COG3: variants seen among roughly 807,000 people sequenced by gnomAD.
The protein encoded by COG3 is component of oligomeric golgi complex 3, also known as conserved oligomeric Golgi complex subunit 3.
COG3 carries 32 observed loss-of-function variants against 114.1 expected under a neutral mutation model. The observed-to-expected ratio is 0.28, with a 90% CI of 0.21 to 0.38. COG3 has a LOEUF of 0.38. Ranked by LOEUF, COG3 falls within the 10% of genes least tolerant of loss-of-function variation. The pLI is 1.00. For synonymous variants in COG3, 352 were observed against 365.7 expected (o/e 0.96, Z 0.43); for missense variants, 813 against 973.2 (o/e 0.84, Z 2.19).
Position 45,496,160 on chromosome 13 carries a change from C to T in COG3, c.1336C>T (p.Leu446=). Residue 446 remains leucine (L), a synonymous_variant, in exon 13 of 23, where the codon CTG becomes TTG. Coordinates refer to ENST00000349995, the MANE Select transcript of COG3 (RefSeq NM_031431.4). ...TTGCACTTTTTTATCAGCTGAGCAACTGGGGGCATTTGCAGCTGGAGTCAA... is the reference window on the plus strand; with the variant it reads ...TTGCACTTTTTTATCAGCTGAGCAATTGGGGGCATTTGCAGCTGGAGTCAA... ...EDHVQNNAEQ[L]GAFAAGVKQM... is the part of the protein sequence containing the mutation. 1 of 1,607,066 alleles carries T rather than the reference C, an allele frequency of 6.2e-7. No homozygotes were observed. Among genetic ancestry groups the T allele is most frequent in the Non-Finnish European group, 8.5e-7 (1 of 1,175,914 alleles).
chr13:45,481,379 A>C (rs1886239800), intron 5 of COG3, 75 bp downstream of exon 5: 1 of 763,782 alleles, frequency 1.3e-6, no homozygotes, highest in South Asian at 1.6e-5. Context: ...GTCATCTTTT[A>C]ATCTATAAAT....
In COG3 at chr13:45,481,488, A is replaced by C. The variant is rs527350211; in HGVS notation, c.624+184A>C. 4.9e-4 allele frequency among the ~76,000 whole-genome samples: 75 copies of C among 152,238 alleles called. 2 individuals are homozygous for C. The highest frequency in any genetic ancestry group is 1.8e-3 in the African/African-American group (73 of 41,544). ...ACCAGTTCAGATTTTTAAATATTTGAGTTAAGATGTGTTTCTTAAATTGTA... is the reference window on the plus strand; with the variant it reads ...ACCAGTTCAGATTTTTAAATATTTGCGTTAAGATGTGTTTCTTAAATTGTA... On this transcript the variant is annotated intron_variant, in intron 5 of 22. Transcript: ENST00000349995.
chr13:45,481,202 T>C (rs759479719), intron 4 of COG3, 28 bp from the exon 5 acceptor site: 1 of 1,282,920 alleles, frequency 7.8e-7, no homozygotes, highest in South Asian at 1.3e-5. Context: ...CTTATAATAA[T>C]TGATTTTTCT....
intron 20 of COG3, among the ~76,000 whole-genome samples, chr13:45,526,833 T>C (rs1302147120): frequency 6.6e-6 from 1 of 152,182 alleles, no homozygotes; most frequent in Admixed American, 6.5e-5. Context: ...TCTGACATAG[T>C]ATTAACCACC....
At chr13:45,530,549 A>G in intron 21 of COG3, 133 bp from the exon 22 acceptor site, 2 of 611,370 alleles carry the variant, frequency 3.3e-6, no homozygotes, top group Admixed American at 2.4e-5. Context: ...AGAGCAAATT[A>G]TGCGTCTTTG....
At chr13:45,493,309 A>C (rs1304702489) in intron 11 of COG3, 38 bp from the exon 12 acceptor site, 3 of 1,532,290 alleles carry the variant, frequency 2.0e-6, no homozygotes, top group Non-Finnish European at 2.7e-6. Flanking sequence ...ATCCTGAAAA[A>C]ACTACTACTA....
At chr13:45,498,084 G>A (rs1869045215) in intron 13 of COG3, among the ~76,000 whole-genome samples, 3 of 152,002 alleles carry the variant, frequency 2.0e-5, no homozygotes, top group South Asian at 2.1e-4. Flanking sequence ...ATATCATCAA[G>A]TATCTAGAAC....
At chr13:45,503,175 A>G in intron 13 of COG3, 69 bp from the exon 14 acceptor site, 1 of 738,214 alleles carries the variant, frequency 1.4e-6, no homozygotes, top group Non-Finnish European at 2.4e-6. Context: ...TGTACTTTGT[A>G]TAAAGAACAT....
intron 16 of COG3, among the ~76,000 whole-genome samples, chr13:45,512,714 A>G (rs762279258): frequency 1.8e-4 from 28 of 151,646 alleles, no homozygotes; most frequent in Non-Finnish European, 8.8e-5. Context: ...TGCAGCCTCA[A>G]CCTCCTGAGG....
chr13:45,489,284 A>C (rs1886877366), intron 8 of COG3, among the ~76,000 whole-genome samples: 4 of 148,554 alleles, frequency 2.7e-5, no homozygotes, highest in East Asian at 2.0e-4. Flanking sequence ...AAAAAAAGCC[A>C]ACCAGTTTAA....
chr13:45,488,545 A>G (rs1205308665), intron 8 of COG3, among the ~76,000 whole-genome samples: 1 of 152,164 alleles, frequency 6.6e-6, no homozygotes, highest in African/African-American at 2.4e-5. Flanking sequence ...TAAAAAATGG[A>G]TTATGGTGAA....
At chr13:45,513,448 T>A (rs12856469) in intron 16 of COG3, among the ~76,000 whole-genome samples, 3 of 41,246 alleles carry the variant, frequency 7.3e-5, no homozygotes, top group African/African-American at 1.3e-4. Context: ...ACATATAAAT[T>A]ATATATATAA....
chr13:45,498,929 TTTCCTTGCTCCAGGAATGTTTCACA>T (rs1869160897), intron 13 of COG3, among the ~76,000 whole-genome samples: 1 of 152,116 alleles, frequency 6.6e-6, no homozygotes. Context: ...GCGTTCACCT[TTTCCTTGCTCCAGGAATGTTTCACA>T]TTCCTTGCTC....
chr13:45,479,281 ATAGGT>A (rs1217076971), intron 3 of COG3, among the ~76,000 whole-genome samples: 1 of 152,242 alleles, frequency 6.6e-6, no homozygotes, highest in East Asian at 1.9e-4. Flanking sequence ...ATTATAATTA[ATAGGT>A]TAGGAGGGAT....
chr13:45,512,147 C>A, intron 16 of COG3: 1 of 258,234 alleles, frequency 3.9e-6, no homozygotes, highest in South Asian at 9.3e-5. Flanking sequence ...GATACTATTT[C>A]CCTGGAATAC....
At chr13:45,519,227 T>A in intron 19 of COG3, 133 bp downstream of exon 19, 2 of 967,262 alleles carry the variant, frequency 2.1e-6, no homozygotes, top group Non-Finnish European at 3.0e-6. Context: ...GTCTAGGAAA[T>A]CACTGTGTTT....
chr13:45,516,106 T>C (rs1185470128), intron 16 of COG3, 37 bp from the exon 17 acceptor site: 1 of 1,451,184 alleles, frequency 6.9e-7, no homozygotes, highest in Admixed American at 1.9e-5. Flanking sequence ...TTTGATTTAA[T>C]ATGTGATCAT....
chr13:45,494,695 T>G (rs1868528040), intron 12 of COG3, among the ~76,000 whole-genome samples: 2 of 151,940 alleles, frequency 1.3e-5, no homozygotes, highest in Admixed American at 1.3e-4. Flanking sequence ...CAGCTATTTT[T>G]ATATTTCTTT....
rs143364154 is a variant in COG3 at position 45,532,393 on chromosome 13, T to G, written c.2457+1613T>G. Among the ~76,000 whole-genome samples, 1,193 of 152,142 alleles carry G rather than the reference T, an allele frequency of 7.8e-3. 18 individuals are homozygous for G. The highest frequency in any genetic ancestry group is 0.027 in the African/African-American group (1,121 of 41,486). ...TTAGAGATTTTTTTTCTATTTTGAT[T>G]TAATTTTGTTTCTTAATGATATAAA... On this transcript the variant is annotated intron_variant, in intron 22 of 22. Coordinates refer to ENST00000349995, the MANE Select transcript of COG3 (RefSeq NM_031431.4).
Sources: gnomAD v4.1 joint callset for allele counts (sites outside exome capture counted in the v4.1 genomes callset) on GRCh38, gnomAD v4.1.1 for gene constraint, MANE v1.5 for transcripts, NCBI Gene and HGNC (gene_info 2026-07-23, HGNC 2026-07-21) for gene names.